The following SNX14 variants were observed in gnomAD, a reference collection of about 807,000 sequenced individuals.
SNX14 encodes sorting nexin-14.
SNX14 carries 93 observed loss-of-function variants against 133.8 expected under a neutral mutation model. The ratio of observed to expected loss-of-function variants is 0.70; its 90% CI spans 0.59 to 0.83. The LOEUF (loss-of-function observed/expected upper bound fraction) is 0.83, where lower values mean the gene tolerates loss of function less well. SNX14 is among the 40% of genes least tolerant of loss of function. SNX14 has a pLI of 0.00. For missense variants in SNX14, 945 were observed against 1,094.9 expected, an observed-to-expected ratio of 0.86 and a Z score of 1.93; for synonymous variants, 368 against 365.6, an observed-to-expected ratio of 1.01 and a Z score of -0.07.
chr6:85,543,400 A>AG (rs1442550592), intron 13 of SNX14, 94 bp from the exon 14 acceptor site: 1 of 1,233,230 alleles, frequency 8.1e-7, no homozygotes, highest in Non-Finnish European at 1.1e-6. Flanking sequence ...GAAACACACT[A>AG]GATTGAGAAA....
rs1026730385 is a variant in SNX14 at position 85,585,385 on chromosome 6, T to TA, written c.140+8193dup. Among the ~76,000 whole-genome samples, 28 of 148,752 alleles carry TA rather than the reference T, an allele frequency of 1.9e-4. 1 individual carries two copies. In the South Asian group the frequency reaches 4.1e-3, roughly 22 times the overall value. ...TGTATCCCAGAACTTAAAGTATAAT[T>TA]AAAAAAAAACAAACAACAACAACAA... On this transcript the variant is annotated intron_variant, in intron 1 of 28. Transcript: ENST00000314673.
chr6:85,532,259 T>A (rs1780533974), intron 18 of SNX14, among the ~76,000 whole-genome samples: 1 of 152,224 alleles, frequency 6.6e-6, no homozygotes, highest in South Asian at 2.1e-4. Flanking sequence ...GGTTTAGCTG[T>A]CCACCTGTCA....
At chr6:85,583,572 A>G (rs930250093) in intron 1 of SNX14, among the ~76,000 whole-genome samples, 1 of 152,236 alleles carries the variant, frequency 6.6e-6, no homozygotes, top group African/African-American at 2.4e-5. Context: ...TACAAAATCA[A>G]TGGCAAAAAT....
rs556040177 is a variant in SNX14, at chr6:85,543,772, G to C, written c.1109-12C>G. 6.8e-7 allele frequency: 1 copy of C among 1,464,112 alleles called. No individual in the cohort carries two copies. The highest frequency in any genetic ancestry group is 1.4e-5 in the African/African-American group (1 of 70,038). 90.7% of individuals were successfully genotyped at this position (1,464,112 alleles called of 1,614,324 possible). A position where few individuals can be genotyped will look rare whatever the true frequency, so the allele number is the denominator to read the frequency against. ...ATCATTAAATTCCTCTAACAAATGAGGGAATGAATAAGAAAAAATAATTTT... is the reference window on the plus strand; with the variant it reads ...ATCATTAAATTCCTCTAACAAATGACGGAATGAATAAGAAAAAATAATTTT... On this transcript the variant is annotated splice_polypyrimidine_tract_variant and intron_variant, in intron 12 of 28. Transcript: ENST00000314673.
chr6:85,521,315 C>A (rs1241864330), intron 21 of SNX14, among the ~76,000 whole-genome samples: 3 of 152,132 alleles, frequency 2.0e-5, no homozygotes, highest in Non-Finnish European at 1.5e-5. Context: ...CTCACTGTAA[C>A]CTCGAACTTT....
intron 16 of SNX14, among the ~76,000 whole-genome samples, chr6:85,538,329 A>C (rs536235082): frequency 6.6e-6 from 1 of 152,140 alleles, no homozygotes. Context: ...ATTTCCCAAG[A>C]CATAAAAATG....
At chr6:85,547,287 C>T in intron 11 of SNX14, 30 bp downstream of exon 11, 1 of 1,610,266 alleles carries the variant, frequency 6.2e-7, no homozygotes, top group Non-Finnish European at 8.5e-7. Context: ...TTGTTTATAT[C>T]AAAAAGGTGT....
chr6:85,572,946 C>T (rs1796157673), intron 2 of SNX14, among the ~76,000 whole-genome samples: 1 of 151,984 alleles, frequency 6.6e-6, no homozygotes, highest in South Asian at 2.1e-4. Flanking sequence ...GCAACTCTAG[C>T]CTGTCTCAAA....
intron 26 of SNX14, chr6:85,508,438 G>GCATTTC: frequency 1.1e-6 from 1 of 917,746 alleles, no homozygotes; most frequent in Non-Finnish European, 1.3e-6. Context: ...GTACATACAT[G>GCATTTC]TATAGAAATG....
At chr6:85,590,273 G>T (rs1472569406) in intron 1 of SNX14, among the ~76,000 whole-genome samples, 1 of 152,082 alleles carries the variant, frequency 6.6e-6, no homozygotes, top group Non-Finnish European at 1.5e-5. Context: ...TAAAATAGAA[G>T]AATTTGCGTA....
intron 6 of SNX14, among the ~76,000 whole-genome samples, chr6:85,561,710 G>C (rs1335147109): frequency 6.6e-6 from 1 of 152,046 alleles, no homozygotes; most frequent in Non-Finnish European, 1.5e-5. Context: ...GTGATAAGGA[G>C]GTATATGTCC....
In SNX14 at chr6:85,543,241, C is replaced by A; in HGVS notation, c.1330G>T (p.Glu444Ter). 7.5e-6 allele frequency: 12 copies of A among 1,603,448 alleles called. No individual in the cohort carries two copies. The highest frequency in any genetic ancestry group is 1.0e-5 in the Non-Finnish European group (12 of 1,175,888). The change falls in exon 14 of 29, where the codon GAA becomes TAA. Residue 444 changes from glutamate (E) to a stop codon, truncating the protein, a stop_gained. Coordinates refer to ENST00000314673, the MANE Select transcript of SNX14 (RefSeq NM_153816.6). LOFTEE classifies it high-confidence loss of function. ...TTCTCCAAAAGGGAAAGAACATGTT[C>A]ATATGCTTCAAAAAGACATCTCATA... ...QTMRCLFEAYEHVLSLLENVF... is the reference protein window; with the variant it reads ...QTMRCLFEAY
At chr6:85,557,931 G>A (rs766886044) in intron 7 of SNX14, 45 bp downstream of exon 7, 3 of 1,100,744 alleles carry the variant, frequency 2.7e-6, no homozygotes, top group South Asian at 2.6e-5. Context: ...GAAAATTGGT[G>A]TATAAAAACA....
chr6:85,553,992 G>A (rs1335484464), intron 7 of SNX14, among the ~76,000 whole-genome samples: 1 of 152,020 alleles, frequency 6.6e-6, no homozygotes, highest in African/African-American at 2.4e-5. Flanking sequence ...AAGGAAGCAG[G>A]CAAAATATTT....
intron 16 of SNX14, 102 bp downstream of exon 16, chr6:85,538,736 C>T: frequency 1.0e-6 from 1 of 952,492 alleles, no homozygotes; most frequent in South Asian, 1.7e-5. Context: ...GCAGTTAATA[C>T]CACAGTGTTC....
intron 14 of SNX14, 43 bp from the exon 15 acceptor site, chr6:85,542,086 A>G: frequency 2.3e-6 from 3 of 1,322,586 alleles, no homozygotes; most frequent in Non-Finnish European, 3.1e-6. Flanking sequence ...TACACTTACA[A>G]TTAACATTAA....
chr6:85,515,983 C>T (rs1473091448), intron 23 of SNX14, among the ~76,000 whole-genome samples: 1 of 152,088 alleles, frequency 6.6e-6, no homozygotes. Flanking sequence ...AGCAAAGGGG[C>T]ATTTAAACTT....
chr6:85,557,361 G>T (rs1790113530), intron 7 of SNX14, among the ~76,000 whole-genome samples: 1 of 152,170 alleles, frequency 6.6e-6, no homozygotes, highest in Admixed American at 6.5e-5. Context: ...GATCCTGCAG[G>T]ATATGGTAAG....
intron 23 of SNX14, among the ~76,000 whole-genome samples, chr6:85,515,595 G>A (rs1452983056): frequency 3.9e-5 from 6 of 152,050 alleles, no homozygotes; most frequent in Admixed American, 3.9e-4. Flanking sequence ...TTTTTTAAAA[G>A]CCTCCTAGAA....
Sources: allele counts gnomAD v4.1 joint callset (sites outside exome capture counted in the v4.1 genomes callset), GRCh38; gene constraint gnomAD v4.1.1; transcripts MANE v1.5; gene names NCBI Gene and HGNC (gene_info 2026-07-23, HGNC 2026-07-21).